Variants in CDH13 observed in about 807,000 individuals in gnomAD.
The protein encoded by CDH13 is cadherin 13.
Under a neutral mutation model 63.8 loss-of-function variants are expected in CDH13, and 24 were observed. That is an observed-to-expected ratio of 0.38 (90% confidence interval 0.27 to 0.53). The LOEUF is 0.53. Ranked by LOEUF, CDH13 falls within the 20% of genes least tolerant of loss-of-function variation. The probability of loss-of-function intolerance (pLI) is 0.85; values close to 1 mark genes in which losing one functional copy is unlikely to be tolerated. For synonymous variants in CDH13, 503 were observed against 355.3 expected, an observed-to-expected ratio of 1.42 and a Z score of -4.67; for missense variants, 1,049 against 903.1, an observed-to-expected ratio of 1.16 and a Z score of -2.07.
intron 1 of CDH13, among the ~76,000 whole-genome samples, chr16:82,737,497 G>A (rs1449989555): frequency 6.6e-6 from 1 of 152,156 alleles, no homozygotes; most frequent in Non-Finnish European, 1.5e-5. Flanking sequence ...AGAGAGGGGT[G>A]GTCTGATGAC....
chr16:83,729,555 C>T (rs76638753), intron 10 of CDH13, among the ~76,000 whole-genome samples: 1,967 of 152,300 alleles, frequency 0.013, 34 homozygotes, highest in Admixed American at 0.039. Context: ...AGAGCATGGG[C>T]GCTATGGTTG....
intron 7 of CDH13, among the ~76,000 whole-genome samples, chr16:83,580,709 T>C (rs1196574645): frequency 1.3e-5 from 2 of 152,004 alleles, no homozygotes; most frequent in Non-Finnish European, 2.9e-5. Flanking sequence ...GTTGCCTAGG[T>C]TGGTCTTGAA....
intron 7 of CDH13, among the ~76,000 whole-genome samples, chr16:83,518,481 G>GT (rs370361550): frequency 0.1 from 13,804 of 136,276 alleles, 883 homozygotes; most frequent in African/African-American, 0.18. Flanking sequence ...TTTGTTTTTT[G>GT]TTTTTTTTTG....
At chr16:83,447,166 G>C (rs1598042587) in intron 6 of CDH13, among the ~76,000 whole-genome samples, 2 of 119,502 alleles carry the variant, frequency 1.7e-5, no homozygotes, top group Middle Eastern at 9.8e-3. Context: ...TGTAATCCCA[G>C]CTCTTTGGGA....
chr16:82,951,963 C>T (rs530263832), intron 2 of CDH13, among the ~76,000 whole-genome samples: 2 of 152,298 alleles, frequency 1.3e-5, no homozygotes, highest in Admixed American at 1.3e-4. Flanking sequence ...TTACAAGACT[C>T]CCTCCCAACA....
chr16:82,930,113 C>A (rs995226770), intron 2 of CDH13, among the ~76,000 whole-genome samples: 1 of 137,676 alleles, frequency 7.3e-6, no homozygotes, highest in Non-Finnish European at 1.5e-5. Flanking sequence ...GGTGCAATCT[C>A]AGCTCACTAC....
chr16:83,166,947 G>C lies in CDH13; in HGVS notation c.483+41446G>C, dbSNP rs115769876. 5.9e-3 allele frequency among the ~76,000 whole-genome samples: 905 copies of C among 152,226 alleles called. 7 individuals carry two copies. Among genetic ancestry groups the C allele is most frequent in the African/African-American group, 0.02 (850 of 41,550 alleles). Reference sequence around the variant, plus strand: ...TTGCACCTCACAATTAGCTGCCTAAGATTCTAGGAGAGAAGCAGTTGGATT... The same window carrying C: ...TTGCACCTCACAATTAGCTGCCTAACATTCTAGGAGAGAAGCAGTTGGATT... On this transcript the variant is annotated intron_variant, in intron 4 of 13. Coordinates refer to ENST00000567109, the MANE Select transcript of CDH13 (RefSeq NM_001257.5).
intron 2 of CDH13, among the ~76,000 whole-genome samples, chr16:82,995,926 A>G (rs965018216): frequency 6.6e-6 from 1 of 152,208 alleles, no homozygotes; most frequent in African/African-American, 2.4e-5. Context: ...GGCAAGAGGA[A>G]GGTCAAATCA....
At chr16:82,808,651 A>G (rs1179824539) in intron 1 of CDH13, among the ~76,000 whole-genome samples, 1 of 152,176 alleles carries the variant, frequency 6.6e-6, no homozygotes, top group Non-Finnish European at 1.5e-5. Flanking sequence ...TTCAAAGGAA[A>G]GGCTTCTAGT....
intron 3 of CDH13, among the ~76,000 whole-genome samples, chr16:83,124,256 G>A (rs2035715031): frequency 6.6e-6 from 1 of 152,106 alleles, no homozygotes; most frequent in Non-Finnish European, 1.5e-5. Context: ...ATGTTGGCCA[G>A]GCTGGTCTCG....
chr16:83,063,069 C>T (rs921175503), intron 3 of CDH13, among the ~76,000 whole-genome samples: 3 of 151,072 alleles, frequency 2.0e-5, no homozygotes, highest in African/African-American at 7.3e-5. Context: ...TCAAGTGAGT[C>T]TCCTGCATCA....
intron 3 of CDH13, among the ~76,000 whole-genome samples, chr16:83,054,575 A>G (rs568166948): frequency 5.2e-4 from 79 of 152,336 alleles, no homozygotes; most frequent in African/African-American, 1.8e-3. Context: ...TTTAAAACTT[A>G]CAAATTATTT....
intron 1 of CDH13, chr16:82,646,151 G>A (rs957565834): frequency 2.0e-5 from 3 of 152,190 alleles, no homozygotes; most frequent in Non-Finnish European, 4.4e-5. Context: ...TTTGGGCCTT[G>A]TTTGCAAGCT....
intron 4 of CDH13, among the ~76,000 whole-genome samples, chr16:83,190,260 T>C (rs571338811): frequency 6.6e-6 from 1 of 152,260 alleles, no homozygotes; most frequent in South Asian, 2.1e-4. Context: ...AGTGGGGGAA[T>C]GTCATGGCAC....
chr16:83,128,416 T>G lies in CDH13; in HGVS notation c.483+2915T>G, dbSNP rs555507046. On this transcript the variant is annotated intron_variant, in intron 4 of 13. Coordinates refer to ENST00000567109, the MANE Select transcript of CDH13 (RefSeq NM_001257.5). Reference sequence around the variant, plus strand: ...CAGGAATCTGCGTTTTTACACAGCTTCTAGGTGATTGTGATGCACACTCAA... The same window carrying G: ...CAGGAATCTGCGTTTTTACACAGCTGCTAGGTGATTGTGATGCACACTCAA... Among the ~76,000 whole-genome samples, 36 of 152,320 alleles carry G rather than the reference T, an allele frequency of 2.4e-4. No homozygotes were observed. In the South Asian group the frequency reaches 2.9e-3, roughly 12 times the overall value.
chr16:83,255,423 G>C (rs767446584), intron 5 of CDH13, among the ~76,000 whole-genome samples: 1 of 152,176 alleles, frequency 6.6e-6, no homozygotes, highest in Non-Finnish European at 1.5e-5. Flanking sequence ...AGACTATTAA[G>C]TCTCTTAAAT....
At chr16:83,201,349 G>A (rs1388947148) in intron 4 of CDH13, among the ~76,000 whole-genome samples, 1 of 151,682 alleles carries the variant, frequency 6.6e-6, no homozygotes, top group East Asian at 1.9e-4. Flanking sequence ...GGTACTGAGG[G>A]TTCGGTGAAG....
chr16:83,036,982 C>T (rs973085956), intron 3 of CDH13, among the ~76,000 whole-genome samples: 3 of 152,268 alleles, frequency 2.0e-5, no homozygotes, highest in Middle Eastern at 3.4e-3. Context: ...GAGACAGCAT[C>T]TGAAGACCAG....
At chr16:83,652,204 C>A (rs1912448852) in intron 8 of CDH13, among the ~76,000 whole-genome samples, 2 of 152,214 alleles carry the variant, frequency 1.3e-5, no homozygotes, top group African/African-American at 4.8e-5. Flanking sequence ...GGATTTAGAG[C>A]AGTTTCTTCT....
Sources: gnomAD v4.1 joint callset for allele counts (sites outside exome capture counted in the v4.1 genomes callset) on GRCh38, gnomAD v4.1.1 for gene constraint, MANE v1.5 for transcripts, NCBI Gene and HGNC (gene_info 2026-07-23, HGNC 2026-07-21) for gene names.